The following HSPA4 variants were observed in gnomAD, a reference collection of about 807,000 sequenced individuals.
HSPA4 encodes heat shock protein family A (Hsp70) member 4.
A neutral mutation model predicts 106.2 loss-of-function variants in HSPA4; 25 were observed. That is an observed-to-expected ratio of 0.24 (90% CI 0.17 to 0.33). The LOEUF (loss-of-function observed/expected upper bound fraction) is 0.33. HSPA4 is among the 10% of genes least tolerant of loss of function. The pLI is 1.00. For missense variants in HSPA4, 841 were observed against 996.0 expected (o/e 0.84, Z 2.10); for synonymous variants, 332 against 333.6 (o/e 1.00, Z 0.05).
At chr5:133,102,835 C>T (rs1230483843) in intron 17 of HSPA4, among the ~76,000 whole-genome samples, 1 of 151,286 alleles carries the variant, frequency 6.6e-6, no homozygotes, top group Non-Finnish European at 1.5e-5. Flanking sequence ...CTCTCTGACT[C>T]AAGCAGTTCT....
chr5:133,076,352 G>A (rs1290752763), intron 6 of HSPA4, among the ~76,000 whole-genome samples: 1 of 152,146 alleles, frequency 6.6e-6, no homozygotes, highest in Non-Finnish European at 1.5e-5. Context: ...AGTGGGGAGG[G>A]CATGGACTTT....
At chr5:133,083,062 G>C (rs984116100) in intron 7 of HSPA4, among the ~76,000 whole-genome samples, 7 of 151,594 alleles carry the variant, frequency 4.6e-5, no homozygotes, top group African/African-American at 1.5e-4. Context: ...TTGGACCCGG[G>C]AGGTGGAGGC....
rs747012950 is a variant in HSPA4 at position 133,085,489 on chromosome 5, T to TAAAAAAAAA, written c.909-1288_909-1280dup. On this transcript the variant is annotated intron_variant, in intron 7 of 18. Coordinates refer to ENST00000304858, the MANE Select transcript of HSPA4 (RefSeq NM_002154.4). ...CAACATGGTGAAATCCCATCTCTAC[T>TAAAAAAAAA]AAAAAAAAAAAAATACAAAATTAGC... Among the ~76,000 whole-genome samples the TAAAAAAAAA allele has an allele frequency of 5.2e-4, 57 of 110,144 alleles. 1 individual carries two copies. Among genetic ancestry groups the TAAAAAAAAA allele is most frequent in the African/African-American group, 1.7e-3 (34 of 20,080 alleles). 72.3% of individuals were successfully genotyped at this position (110,144 alleles called of 152,430 possible).
rs1765082981 is a variant in HSPA4, at chr5:133,052,038, G to A, written c.-213G>A. Reference sequence around the variant, plus strand: ...GAGATCTTCTCCGCCCCCGCTACCGGCGCCTCCTCTGCGGCCACTGAGCCG... The same window carrying A: ...GAGATCTTCTCCGCCCCCGCTACCGACGCCTCCTCTGCGGCCACTGAGCCG... On this transcript the variant is annotated 5_prime_UTR_variant, in exon 1 of 19. Transcript: ENST00000304858. The A allele has an allele frequency of 5.6e-6, 3 of 531,218 alleles. No homozygotes were observed. The highest frequency in any genetic ancestry group is 1.0e-5 in the Non-Finnish European group (3 of 299,376). 32.9% of individuals were successfully genotyped at this position (531,218 alleles called of 1,614,324 possible).
chr5:133,063,416 G>A (rs111253702), intron 1 of HSPA4, among the ~76,000 whole-genome samples: 3,225 of 152,102 alleles, frequency 0.021, 107 homozygotes, highest in African/African-American at 0.073. Flanking sequence ...ACTGCGCCCA[G>A]CCAAATTTAC....
At chr5:133,086,995 T>C in intron 8 of HSPA4, 137 bp downstream of exon 8, 1 of 590,830 alleles carries the variant, frequency 1.7e-6, no homozygotes, top group South Asian at 2.3e-5. Context: ...AAACTTTTTT[T>C]CAACCTGTAT....
At chr5:133,073,448 C>G (rs113605081) in intron 5 of HSPA4, 119 bp downstream of exon 5, 19 of 657,914 alleles carry the variant, frequency 2.9e-5, no homozygotes, top group African/African-American at 1.1e-4. Flanking sequence ...TTGCTTACCA[C>G]TGTGGTCATG....
chr5:133,099,323 G>T (rs924658061), intron 15 of HSPA4, among the ~76,000 whole-genome samples: 2 of 151,702 alleles, frequency 1.3e-5, no homozygotes, highest in Non-Finnish European at 2.9e-5. Context: ...AGTGGAGACG[G>T]GGTTTCACCA....
rs375005621 is a variant in HSPA4, at chr5:133,070,515, C to T, written c.429+19C>T. On this transcript the variant is annotated intron_variant, in intron 4 of 18. Transcript: ENST00000304858. ...TGTTTCGGTGAGTTTGATCCCTATA[C>T]ATTATTGGGAATTTGCATGAAGAAG... is the stretch of plus-strand genomic sequence containing the variant. 1.3e-4 allele frequency: 204 copies of T among 1,611,114 alleles called. No individual in the cohort carries two copies. Among genetic ancestry groups the T allele is most frequent in the Admixed American group, 6.2e-4 (37 of 59,718 alleles).
At chr5:133,065,092 T>G (rs1765291567) in intron 2 of HSPA4, 55 bp downstream of exon 2, 2 of 1,478,070 alleles carry the variant, frequency 1.4e-6, no homozygotes, top group Middle Eastern at 1.7e-4. Context: ...ATCCATGTGT[T>G]CAGCAAGTAG....
At chr5:133,057,323 A>G (rs147610620) in intron 1 of HSPA4, among the ~76,000 whole-genome samples, 13 of 150,700 alleles carry the variant, frequency 8.6e-5, no homozygotes, top group African/African-American at 2.4e-4. Flanking sequence ...AATTAGAGCA[A>G]TGGCTGTTGT....
chr5:133,066,997 C>T (rs764937994), intron 2 of HSPA4, among the ~76,000 whole-genome samples: 1 of 152,136 alleles, frequency 6.6e-6, no homozygotes, highest in Non-Finnish European at 1.5e-5. Flanking sequence ...CAGGCGTGAG[C>T]CATGACACCC....
In HSPA4 at chr5:133,052,315, G is replaced by T; in HGVS notation, c.65G>T (p.Gly22Val). 6.3e-7 allele frequency: 1 copy of T among 1,587,918 alleles called. No individual in the cohort carries two copies. The highest frequency in any genetic ancestry group is 8.5e-7 in the Non-Finnish European group (1 of 1,169,688). ...TACGTCGCTGTGGCCCGCGCCGGCG[G>T]CATCGAGACTATCGCTAATGAGTAT... Reference protein sequence around the residue: ...SCYVAVARAGGIETIANEYSD... With the variant: ...SCYVAVARAGVIETIANEYSD... Residue 22 changes from glycine (G) to valine (V), a missense_variant, in exon 1 of 19, where the codon GGC (glycine) becomes GTC (valine). Physicochemically the swap from Gly to Val is moderately radical, Grantham distance 109 (BLOSUM62 -3). Transcript: ENST00000304858.
intron 6 of HSPA4, among the ~76,000 whole-genome samples, chr5:133,075,485 G>A (rs369184621): frequency 1.1e-4 from 17 of 152,148 alleles, no homozygotes; most frequent in African/African-American, 4.1e-4. Context: ...TCCCCAAATT[G>A]GAAAACATTT....
At chr5:133,104,207 C>A in intron 18 of HSPA4, 26 bp from the exon 19 acceptor site, 1 of 1,602,750 alleles carries the variant, frequency 6.2e-7, no homozygotes, top group Non-Finnish European at 8.5e-7. Context: ...TTATAAGAAA[C>A]CAGTTTTCTG....
intron 1 of HSPA4, among the ~76,000 whole-genome samples, chr5:133,057,173 C>G (rs963018413): frequency 2.3e-4 from 35 of 152,092 alleles, no homozygotes; most frequent in African/African-American, 7.7e-4. Context: ...ACTTTCTAGT[C>G]CATGGCTAAT....
At chr5:133,074,505 C>T (rs1282859921) in intron 6 of HSPA4, among the ~76,000 whole-genome samples, 2 of 152,026 alleles carry the variant, frequency 1.3e-5, no homozygotes, top group African/African-American at 2.4e-5. Context: ...CTCGAACTCC[C>T]GACCTGAGGT....
At position 133,104,128 on chromosome 5, in the gene HSPA4, C is replaced by G. The variant is rs68121884; in HGVS notation, c.2319+102C>G. ...GAACTTTATTATAGTGTTTTAGCTT[C>G]TAGGTTGAGGATTGGGTGGTGGGAG... On this transcript the variant is annotated intron_variant, in intron 18 of 18. Coordinates refer to ENST00000304858, the MANE Select transcript of HSPA4 (RefSeq NM_002154.4). 0.021 allele frequency: 29,712 copies of G among 1,415,476 alleles called. 2,675 individuals are homozygous for G. In the East Asian group the frequency reaches 0.27, roughly 13 times the overall value. 87.7% of individuals were successfully genotyped at this position (1,415,476 alleles called of 1,614,324 possible). A position where few individuals can be genotyped will look rare whatever the true frequency, so the allele number is the denominator to read the frequency against.
intron 2 of HSPA4, 88 bp from the exon 3 acceptor site, chr5:133,067,328 GT>G: frequency 1.7e-6 from 2 of 1,160,194 alleles, no homozygotes; most frequent in Admixed American, 2.3e-5. Flanking sequence ...TCTATATAAA[GT>G]TAAAATGTTG....
Sources: gnomAD v4.1 joint callset for allele counts (sites outside exome capture counted in the v4.1 genomes callset) on GRCh38, gnomAD v4.1.1 for gene constraint, MANE v1.5 for transcripts, NCBI Gene and HGNC (gene_info 2026-07-23, HGNC 2026-07-21) for gene names.